Variants in EIF4G3 observed in about 807,000 individuals in gnomAD.
EIF4G3 encodes eukaryotic translation initiation factor 4 gamma 3.
In EIF4G3, 34 loss-of-function variants were observed where a neutral mutation model predicts 186.4. The ratio of observed to expected loss-of-function variants is 0.18; its 90% CI spans 0.14 to 0.24. The LOEUF (loss-of-function observed/expected upper bound fraction) is 0.24. Among genes scored for constraint, EIF4G3 ranks in the 10% least tolerant of loss-of-function variants. The pLI, the probability that EIF4G3 is intolerant of heterozygous loss-of-function variation, is 1.00. For synonymous variants in EIF4G3, 673 were observed against 679.5 expected (o/e 0.99, Z 0.15); for missense variants, 1,536 against 1,948.5 (o/e 0.79, Z 3.99).
At chr1:20,918,870 A>G (rs2094207504) in intron 14 of EIF4G3, among the ~76,000 whole-genome samples, 1 of 151,956 alleles carries the variant, frequency 6.6e-6, no homozygotes, top group Non-Finnish European at 1.5e-5. Flanking sequence ...ATTTCCAAAT[A>G]TAGATATTGT....
At chr1:20,848,876 G>A (rs185849533) in intron 29 of EIF4G3, among the ~76,000 whole-genome samples, 38 of 151,560 alleles carry the variant, frequency 2.5e-4, no homozygotes, top group Admixed American at 1.9e-3. Context: ...GTGAAACCCC[G>A]CCTCTACTAA....
intron 10 of EIF4G3, among the ~76,000 whole-genome samples, chr1:20,976,289 T>G (rs1055040162): frequency 6.6e-5 from 10 of 152,114 alleles, no homozygotes; most frequent in Non-Finnish European, 1.0e-4. Context: ...ACTCGTCATT[T>G]AACATTAGGT....
chr1:21,133,135 T>C lies in EIF4G3; in HGVS notation c.-272+43040A>G, dbSNP rs1375672349. On this transcript the variant is annotated intron_variant, in intron 2 of 36. Transcript: ENST00000602326. ...TACATTTGTTTCAAATGGAAAAATA[T>C]CCTATTAAACAAAAATGACAATGTA... Among the ~76,000 whole-genome samples the C allele has an allele frequency of 2.6e-5, 4 of 152,130 alleles. No individual in the cohort carries two copies. In the East Asian group the frequency reaches 7.7e-4, roughly 29 times the overall value.
At chr1:20,900,352 G>A (rs1347269389) in intron 15 of EIF4G3, among the ~76,000 whole-genome samples, 1 of 152,094 alleles carries the variant, frequency 6.6e-6, no homozygotes, top group Admixed American at 6.6e-5. Context: ...CTGTCTTCTG[G>A]CTGTGAAATT....
At chr1:20,956,617 CAA>C (rs61623629) in intron 12 of EIF4G3, among the ~76,000 whole-genome samples, 3,066 of 114,518 alleles carry the variant, frequency 0.027, 21 homozygotes, top group South Asian at 0.038. Context: ...GTATAATTTA[CAA>C]AAAAAAAAAA....
At chr1:20,948,635 T>C (rs78189344) in intron 13 of EIF4G3, among the ~76,000 whole-genome samples, 2 of 152,224 alleles carry the variant, frequency 1.3e-5, no homozygotes, top group Admixed American at 1.3e-4. Context: ...ATAAATGTGA[T>C]TGACTAACTT....
rs527252710 is a variant in EIF4G3, at chr1:20,916,218, A to G, written c.1664-11247T>C. On this transcript the variant is annotated intron_variant, in intron 14 of 36. Coordinates refer to ENST00000602326, the MANE Select transcript of EIF4G3 (RefSeq NM_001391906.1). Reference sequence around the variant, plus strand: ...AAAAATGCCTCTGGGAGGCCGAGGCAGGCGGATCACGAGGTCAGGAGATCG... The same window carrying G: ...AAAAATGCCTCTGGGAGGCCGAGGCGGGCGGATCACGAGGTCAGGAGATCG... Among the ~76,000 whole-genome samples, 5 of 152,198 alleles carry G rather than the reference A, an allele frequency of 3.3e-5. No individual in the cohort carries two copies. In the South Asian group the frequency reaches 1.0e-3, roughly 32 times the overall value.
In EIF4G3 at chr1:20,864,670, T is replaced by C. The variant is rs78056283; in HGVS notation, c.2812A>G (p.Lys938Glu). The C allele has an allele frequency of 6.2e-7, 1 of 1,614,186 alleles. No individual in the cohort carries two copies. The highest frequency in any genetic ancestry group is 2.2e-5 in the East Asian group (1 of 44,876). The change falls in exon 22 of 37, where the codon AAG becomes GAG. Residue 938 changes from lysine to glutamate, a missense_variant. Lys to Glu is a moderately conservative substitution (Grantham distance 56, BLOSUM62 1). Coordinates refer to ENST00000602326, the MANE Select transcript of EIF4G3 (RefSeq NM_001391906.1). ...TRLHDELEEA[K>E]DKARRRSIGN... ...ATGGATCTCCGCCGGGCTTTGTCCT[T>C]GGCTTCTTCCAGTTCATCATGAAGC...
At chr1:20,991,961 T>G (rs2081234188) in intron 7 of EIF4G3, among the ~76,000 whole-genome samples, 1 of 152,222 alleles carries the variant, frequency 6.6e-6, no homozygotes, top group East Asian at 1.9e-4. Context: ...ATGCAGTTAT[T>G]AAAACATCTC....
intron 17 of EIF4G3, 146 bp downstream of exon 17, chr1:20,895,222 A>C: frequency 1.0e-6 from 1 of 972,180 alleles, no homozygotes; most frequent in Admixed American, 2.9e-5. Flanking sequence ...AACAGTGTTT[A>C]GGGAAACAAA....
chr1:20,812,693 TATC>T (rs1010793680), intron 35 of EIF4G3, among the ~76,000 whole-genome samples: 28 of 152,330 alleles, frequency 1.8e-4, no homozygotes, highest in Middle Eastern at 3.4e-3. Flanking sequence ...AAAATTGTCT[TATC>T]ATATCAAATA....
chr1:21,166,113 CT>C (rs1189973326), intron 2 of EIF4G3, among the ~76,000 whole-genome samples: 1 of 109,588 alleles, frequency 9.1e-6, no homozygotes, highest in African/African-American at 3.0e-5. Context: ...GTCTTAAACT[CT>C]TTTTTTTCCT....
At chr1:21,157,415 A>T (rs2097683121) in intron 2 of EIF4G3, among the ~76,000 whole-genome samples, 1 of 151,486 alleles carries the variant, frequency 6.6e-6, no homozygotes, top group Non-Finnish European at 1.5e-5. Context: ...TTTCTTACCC[A>T]GGCTGGAGTG....
In EIF4G3 at chr1:20,849,531, C is replaced by A; in HGVS notation, c.3773-1G>T. 1 of 1,499,642 alleles carries A rather than the reference C, an allele frequency of 6.7e-7. No individual in the cohort carries two copies. The highest frequency in any genetic ancestry group is 8.9e-7 in the Non-Finnish European group (1 of 1,122,772). The allele number at this position is 1,499,642 out of a possible 1,614,324, so 92.9% of individuals were successfully genotyped here. A position where few individuals can be genotyped will look rare whatever the true frequency, so the allele number is the denominator to read the frequency against. On this transcript the variant is annotated splice_acceptor_variant, in intron 28 of 36. Coordinates refer to ENST00000602326, the MANE Select transcript of EIF4G3 (RefSeq NM_001391906.1). LOFTEE classifies it high-confidence loss of function. ...GACATTGCTGAAATTTCTGGTTTTG[C>A]TATTAGTGAGGCCCCCCAAAAAAAG...
At chr1:20,983,552 C>G (rs200410501) in intron 7 of EIF4G3, among the ~76,000 whole-genome samples, 1 of 128,962 alleles carries the variant, frequency 7.8e-6, no homozygotes, top group South Asian at 2.4e-4. Flanking sequence ...CAGGAACAAA[C>G]TTAAGTATTT....
intron 14 of EIF4G3, among the ~76,000 whole-genome samples, chr1:20,936,290 G>A (rs1292103338): frequency 6.6e-6 from 1 of 152,180 alleles, no homozygotes; most frequent in East Asian, 1.9e-4. Flanking sequence ...ACAAGGTGGA[G>A]AAAACCTTTA....
At chr1:20,855,174 C>G (rs1201039555) in intron 25 of EIF4G3, 103 bp from the exon 26 acceptor site, 2 of 871,216 alleles carry the variant, frequency 2.3e-6, no homozygotes, top group Non-Finnish European at 3.4e-6. Flanking sequence ...ATTTTAGCAA[C>G]AAAAATTTGT....
intron 2 of EIF4G3, among the ~76,000 whole-genome samples, chr1:21,148,405 TAA>T (rs1200691865): frequency 2.0e-5 from 3 of 151,584 alleles, no homozygotes; most frequent in Admixed American, 6.6e-5. Flanking sequence ...ACTGTTAACT[TAA>T]AAATCGAGTA....
At chr1:21,063,876 ATTTT>A (rs529362148) in intron 3 of EIF4G3, among the ~76,000 whole-genome samples, 1 of 136,394 alleles carries the variant, frequency 7.3e-6, no homozygotes, top group Admixed American at 7.3e-5. Flanking sequence ...CACCCAGCTA[ATTTT>A]TTTTTTTTTT....
Sources: gnomAD v4.1 joint callset for allele counts (sites outside exome capture counted in the v4.1 genomes callset) on GRCh38, gnomAD v4.1.1 for gene constraint, MANE v1.5 for transcripts, NCBI Gene and HGNC (gene_info 2026-07-23, HGNC 2026-07-21) for gene names.